Variants in GAD2 observed in about 807,000 individuals in gnomAD.
GAD2 encodes glutamate decarboxylase 2, also known as 65 kDa glutamic acid decarboxylase.
Under a neutral mutation model 80.1 loss-of-function variants are expected in GAD2, and 22 were observed. The ratio of observed to expected loss-of-function variants is 0.27; its 90% confidence interval spans 0.20 to 0.39. The LOEUF is 0.39. GAD2 is among the 10% of genes least tolerant of loss of function. The pLI is 1.00. For synonymous variants in GAD2, 274 were observed against 256.9 expected (o/e 1.07, Z -0.64); for missense variants, 624 against 738.4 (o/e 0.85, Z 1.80).
At chr10:26,277,621 T>C (rs1258049084) in intron 11 of GAD2, among the ~76,000 whole-genome samples, 2 of 152,102 alleles carry the variant, frequency 1.3e-5, no homozygotes, top group Non-Finnish European at 2.9e-5. Context: ...GGAAAGAAGC[T>C]GAGTGTGACC....
chr10:26,290,871 A>G (rs1834206712), intron 13 of GAD2, among the ~76,000 whole-genome samples: 1 of 152,214 alleles, frequency 6.6e-6, no homozygotes, highest in African/African-American at 2.4e-5. Flanking sequence ...TTCAATATGA[A>G]CGGGAGGCAC....
rs186732890 is a variant in GAD2, at chr10:26,283,717, T to C, written c.1237-2628T>C. ...TTTGGTAAACGTGGAAGAGGGATGATTGAAATAGCTAAAGATGTTTAGCCT... is the reference window on the plus strand; with the variant it reads ...TTTGGTAAACGTGGAAGAGGGATGACTGAAATAGCTAAAGATGTTTAGCCT... On this transcript the variant is annotated intron_variant, in intron 12 of 15. Transcript: ENST00000376261. 2.0e-5 allele frequency among the ~76,000 whole-genome samples: 3 copies of C among 152,080 alleles called. No homozygotes were observed. The East Asian group carries it at 5.8e-4, about 29-fold the overall frequency.
intron 13 of GAD2, among the ~76,000 whole-genome samples, chr10:26,289,884 C>T (rs1445845572): frequency 2.0e-5 from 3 of 151,392 alleles, no homozygotes; most frequent in Admixed American, 6.6e-5. Context: ...CCTCCATCTC[C>T]CAGGTTCAAG....
intron 11 of GAD2, among the ~76,000 whole-genome samples, chr10:26,279,985 G>A (rs2132311440): frequency 6.6e-6 from 1 of 152,328 alleles, no homozygotes; most frequent in South Asian, 2.1e-4. Flanking sequence ...CCCTCTCTTT[G>A]AGCTCCAGGA....
At position 26,224,583 on chromosome 10, in the gene GAD2, T is replaced by A. The variant is rs77034511; in HGVS notation, c.656T>A (p.Val219Asp). 1 of 1,614,100 alleles carries A rather than the reference T, an allele frequency of 6.2e-7. No individual in the cohort carries two copies. Among genetic ancestry groups the A allele is most frequent in the African/African-American group, 1.3e-5 (1 of 75,076 alleles). Residue 219 changes from valine to aspartate, a missense_variant, in exon 6 of 16, where the codon GTC becomes GAC. Val to Asp is a radical substitution (Grantham distance 152). Transcript: ENST00000376261. The stretch of plus-strand genomic sequence containing the variant: ...CCAGTATTTGTGCTTTTGGAATATG[T>A]CACACTAAAGAAAATGAGAGAAATC... ...IAPVFVLLEYVTLKKMREIIG... is the reference protein window; with the variant it reads ...IAPVFVLLEYDTLKKMREIIG...
intron 7 of GAD2, among the ~76,000 whole-genome samples, chr10:26,245,454 T>TTTTTA (rs1844796800): frequency 6.6e-6 from 1 of 151,984 alleles, no homozygotes; most frequent in African/African-American, 2.4e-5. Flanking sequence ...TTTTTTTTTT[T>TTTTTA]GAGACGGAGT....
chr10:26,281,165 T>C, intron 12 of GAD2, 78 bp downstream of exon 12: 2 of 1,061,178 alleles, frequency 1.9e-6, no homozygotes, highest in Non-Finnish European at 2.9e-6. Flanking sequence ...TCTCTGGAAA[T>C]GTCAAGATCA....
chr10:26,296,857 T>C (rs755911762), intron 15 of GAD2, among the ~76,000 whole-genome samples: 2 of 152,188 alleles, frequency 1.3e-5, no homozygotes, highest in Non-Finnish European at 2.9e-5. Context: ...ATACAGACTC[T>C]TTGAAAGTCT....
rs1834326564 is a variant in GAD2, at chr10:26,301,182, A to C, written c.*221A>C. On this transcript the variant is annotated 3_prime_UTR_variant, in exon 16 of 16. Transcript: ENST00000376261. ...AATTCGTGACAAAAGGCTATGTTCT[A>C]ATCAATAAGGAAAAGCTTAAAATTG... is the stretch of plus-strand genomic sequence containing the variant. The C allele has an allele frequency of 2.0e-6, 1 of 492,946 alleles. No homozygotes were observed. Among genetic ancestry groups the C allele is most frequent in the Admixed American group, 3.3e-5 (1 of 30,280 alleles). 30.5% of individuals were successfully genotyped at this position (492,946 alleles called of 1,614,324 possible). A position where few individuals can be genotyped will look rare whatever the true frequency, so the allele number is the denominator to read the frequency against.
In GAD2 at chr10:26,216,821, G is replaced by A. The variant is rs755289039; in HGVS notation, c.12G>A (p.Pro4=). The change falls in exon 1 of 16, where the codon CCG becomes CCA. Residue 4 remains proline (P), a synonymous_variant. Coordinates refer to ENST00000376261, the MANE Select transcript of GAD2 (RefSeq NM_001134366.2). This position sits in a 1 kb window ranked among gnomAD's most constrained non-coding sequence, Gnocchi z 4.7. The part of the protein sequence containing the change: MAS[P]GSGFWSFGSE... ...AGTCTCCAAAGCCGATGGCATCTCC[G>A]GGCTCTGGCTTTTGGTCTTTCGGGT... The A allele has an allele frequency of 1.1e-5, 18 of 1,612,460 alleles. No individual in the cohort carries two copies. The highest frequency in any genetic ancestry group is 8.4e-5 in the Admixed American group (5 of 59,860).
chr10:26,260,146 C>T lies in GAD2; in HGVS notation c.921-8973C>T, dbSNP rs987882038. ...TTTTTTACATAGCAAATATTATGGA[C>T]GACTTGCATGCCTTAGAAATTCTTC... On this transcript the variant is annotated intron_variant, in intron 8 of 15. Transcript: ENST00000376261. 2.6e-5 allele frequency among the ~76,000 whole-genome samples: 4 copies of T among 152,040 alleles called. No homozygotes were observed. In the South Asian group the frequency reaches 6.2e-4, roughly 24 times the overall value.
intron 8 of GAD2, among the ~76,000 whole-genome samples, chr10:26,266,770 T>G (rs367627034): frequency 3.3e-5 from 5 of 152,360 alleles, no homozygotes; most frequent in East Asian, 1.9e-4. Flanking sequence ...GGCAGGTTTG[T>G]ATGACACCTC....
intron 15 of GAD2, among the ~76,000 whole-genome samples, chr10:26,293,542 A>T (rs182719842): frequency 6.6e-6 from 1 of 152,330 alleles, no homozygotes. Flanking sequence ...GTCTTGAAAG[A>T]AGTAGTCAGG....
Position 26,278,941 on chromosome 10 carries a change from G to A in GAD2, c.1158-2068G>A, listed in dbSNP as rs987446594. 3.3e-5 allele frequency among the ~76,000 whole-genome samples: 5 copies of A among 151,964 alleles called. No individual in the cohort carries two copies. In the East Asian group the frequency reaches 5.8e-4, roughly 18 times the overall value. The stretch of plus-strand genomic sequence containing the variant: ...ATTTTTTCCCAAGGCCATCACACCC[G>A]AGAGGTGGGAACTGGATGAGCCCAC... On this transcript the variant is annotated intron_variant, in intron 11 of 15. Transcript: ENST00000376261.
chr10:26,222,352 T>A (rs1040946419), intron 4 of GAD2, among the ~76,000 whole-genome samples: 2 of 151,498 alleles, frequency 1.3e-5, no homozygotes, highest in African/African-American at 4.9e-5. Context: ...ACCACATTCA[T>A]CCAGAAAATG....
rs188061439 is a variant in GAD2, at chr10:26,246,021, C to A, written c.920+21C>A. On this transcript the variant is annotated intron_variant, in intron 8 of 15. Coordinates refer to ENST00000376261, the MANE Select transcript of GAD2 (RefSeq NM_001134366.2). ...GAGAGGTGAGCACGCATCGGCAACT[C>A]TTGTTGGTTAGCAATTTGCAAATTC... 3.5e-5 allele frequency: 57 copies of A among 1,608,716 alleles called. No homozygotes were observed. The East Asian group carries it at 1.3e-3, about 35-fold the overall frequency.
chr10:26,277,004 T>C (rs751644021), intron 11 of GAD2, among the ~76,000 whole-genome samples: 3 of 152,114 alleles, frequency 2.0e-5, no homozygotes, highest in Non-Finnish European at 2.9e-5. Flanking sequence ...GAACAGTGGA[T>C]TAAAATTCAA....
At chr10:26,275,565 C>A (rs1409747532) in intron 11 of GAD2, among the ~76,000 whole-genome samples, 1 of 152,218 alleles carries the variant, frequency 6.6e-6, no homozygotes, top group East Asian at 1.9e-4. Flanking sequence ...GTGTTCCACT[C>A]TGAGCAGAAT....
intron 12 of GAD2, among the ~76,000 whole-genome samples, chr10:26,285,867 A>G (rs370429454): frequency 1.4e-4 from 21 of 152,182 alleles, no homozygotes; most frequent in African/African-American, 5.1e-4. Context: ...TAACAGCTAA[A>G]TGATAAAGTA....
Sources: allele counts gnomAD v4.1 joint callset (sites outside exome capture counted in the v4.1 genomes callset), GRCh38; gene constraint gnomAD v4.1.1; non-coding constraint Gnocchi (gnomAD v3.1); transcripts MANE v1.5; gene names NCBI Gene and HGNC (gene_info 2026-07-23, HGNC 2026-07-21).